The following GABRG3 variants were observed in gnomAD, a reference collection of about 807,000 sequenced individuals.
The protein encoded by GABRG3 is gamma-aminobutyric acid type A receptor subunit gamma3, also known as gamma-aminobutyric acid receptor subunit gamma-3.
A neutral mutation model predicts 48.8 loss-of-function variants in GABRG3; 25 were observed. The ratio of observed to expected loss-of-function variants is 0.51; its 90% CI spans 0.37 to 0.72. The LOEUF is 0.72. Ranked by LOEUF, GABRG3 falls within the 30% of genes least tolerant of loss-of-function variation. The pLI is 0.00. For synonymous variants in GABRG3, 227 were observed against 217.6 expected, an observed-to-expected ratio of 1.04 and a Z score of -0.38; for missense variants, 394 against 577.9, an observed-to-expected ratio of 0.68 and a Z score of 3.26.
chr15:27,152,135 T>G (rs539965508), intron 3 of GABRG3, among the ~76,000 whole-genome samples: 1 of 152,236 alleles, frequency 6.6e-6, no homozygotes, highest in East Asian at 1.9e-4. Flanking sequence ...TTTCATTAAT[T>G]CTGTGATACA....
chr15:27,232,339 A>G (rs986093304), intron 3 of GABRG3, among the ~76,000 whole-genome samples: 1 of 152,220 alleles, frequency 6.6e-6, no homozygotes, highest in African/African-American at 2.4e-5. Context: ...GTAGATGCTT[A>G]AAGTAACCCA....
At chr15:27,079,353 G>T (rs1896956988) in intron 3 of GABRG3, among the ~76,000 whole-genome samples, 1 of 152,166 alleles carries the variant, frequency 6.6e-6, no homozygotes, top group Non-Finnish European at 1.5e-5. Flanking sequence ...TTGGAAGTCA[G>T]AATACTTTTA....
intron 6 of GABRG3, among the ~76,000 whole-genome samples, chr15:27,485,947 G>T (rs1417673866): frequency 2.0e-5 from 3 of 152,282 alleles, no homozygotes; most frequent in South Asian, 4.1e-4. Flanking sequence ...ACATTTGCAG[G>T]TTAATCCATA....
At chr15:27,515,791 G>A (rs1891004400) in intron 6 of GABRG3, among the ~76,000 whole-genome samples, 1 of 152,184 alleles carries the variant, frequency 6.6e-6, no homozygotes, top group African/African-American at 2.4e-5. Context: ...GATTCACCTA[G>A]TCCGTAGAGG....
intron 3 of GABRG3, among the ~76,000 whole-genome samples, chr15:27,196,482 G>C (rs1888501407): frequency 6.6e-6 from 1 of 152,118 alleles, no homozygotes; most frequent in Non-Finnish European, 1.5e-5. Flanking sequence ...ATCAAATTAT[G>C]TATAACCTCC....
chr15:27,530,578 C>T (rs1296385240), intron 9 of GABRG3: 1 of 469,312 alleles, frequency 2.1e-6, no homozygotes, highest in African/African-American at 2.0e-5. Context: ...TTTTGGCTCC[C>T]TAAATGAAGT....
chr15:27,108,274 T>A (rs915734427), intron 3 of GABRG3, among the ~76,000 whole-genome samples: 1 of 152,224 alleles, frequency 6.6e-6, no homozygotes, highest in Non-Finnish European at 1.5e-5. Context: ...TCAAATTATT[T>A]TAAATTCCTC....
chr15:27,455,164 C>T (rs1287545993), intron 5 of GABRG3, among the ~76,000 whole-genome samples: 2 of 152,162 alleles, frequency 1.3e-5, no homozygotes, highest in Non-Finnish European at 2.9e-5. Context: ...TTTGTGAGGT[C>T]TTAGAAGGTG....
rs1887903003 is a variant in GABRG3, at chr15:27,180,699, A to G, written c.271-146110A>G. Reference sequence around the variant, plus strand: ...CGCACCCCAGGTCAGTTCTAGCAATAATTGAAAAACAGAAACCTATTTTCT... The same window carrying G: ...CGCACCCCAGGTCAGTTCTAGCAATGATTGAAAAACAGAAACCTATTTTCT... On this transcript the variant is annotated intron_variant, in intron 3 of 9. Coordinates refer to ENST00000615808, the MANE Select transcript of GABRG3 (RefSeq NM_033223.5). This position sits in a 1 kb window ranked among gnomAD's most constrained non-coding sequence, Gnocchi z 4.2. Among the ~76,000 whole-genome samples the G allele has an allele frequency of 6.6e-6, 1 of 152,102 alleles. No homozygotes were observed. Among genetic ancestry groups the G allele is most frequent in the Non-Finnish European group, 1.5e-5 (1 of 68,030 alleles).
rs147460411 is a variant in GABRG3, at chr15:27,342,154, G to T, written c.574+13266G>T. Among the ~76,000 whole-genome samples the T allele has an allele frequency of 5.9e-5, 9 of 152,306 alleles. No individual in the cohort carries two copies. The East Asian group carries it at 1.5e-3, about 26-fold the overall frequency. On this transcript the variant is annotated intron_variant, in intron 5 of 9. Coordinates refer to ENST00000615808, the MANE Select transcript of GABRG3 (RefSeq NM_033223.5). The stretch of plus-strand genomic sequence containing the variant: ...CCCACTGGCCTGACACAGGCCCAGC[G>T]CCAAGCAGTGGCCAAAGAACAGTGA...
chr15:27,180,904 G>T lies in GABRG3; in HGVS notation c.271-145905G>T, dbSNP rs192311371. 2.6e-5 allele frequency among the ~76,000 whole-genome samples: 4 copies of T among 152,044 alleles called. No homozygotes were observed. The highest frequency in any genetic ancestry group is 5.9e-5 in the Non-Finnish European group (4 of 68,012). On this transcript the variant is annotated intron_variant, in intron 3 of 9. Transcript: ENST00000615808. The surrounding 1 kb of genome is among the most constrained non-coding windows in gnomAD (Gnocchi z 4.2). ...CTAACCAATCTAACACAGGATTATC[G>T]TTCCAGTTTAGTATTTTAGGGTTGA...
At chr15:27,064,475 A>G (rs878920) in intron 3 of GABRG3, among the ~76,000 whole-genome samples, 114,020 of 152,056 alleles carry the variant, frequency 0.75, 43,395 homozygotes, top group South Asian at 0.83. Context: ...AGGAAAGGGA[A>G]CGCTGGGCTT....
At chr15:27,117,152 C>T (rs1205579161) in intron 3 of GABRG3, among the ~76,000 whole-genome samples, 1 of 152,216 alleles carries the variant, frequency 6.6e-6, no homozygotes, top group East Asian at 1.9e-4. Flanking sequence ...ACAATTTCAA[C>T]CCAGACAGTT....
At chr15:27,190,044 A>G (rs1337112906) in intron 3 of GABRG3, among the ~76,000 whole-genome samples, 2 of 152,214 alleles carry the variant, frequency 1.3e-5, no homozygotes, top group African/African-American at 4.8e-5. Context: ...ATTTGTGTAT[A>G]TTGAACCAGC....
chr15:27,083,201 G>A (rs1897019546), intron 3 of GABRG3, among the ~76,000 whole-genome samples: 1 of 152,174 alleles, frequency 6.6e-6, no homozygotes, highest in Admixed American at 6.5e-5. Context: ...GATACTTGCA[G>A]ACAAGCATTA....
intron 3 of GABRG3, among the ~76,000 whole-genome samples, chr15:27,065,107 C>T (rs1896715216): frequency 6.6e-6 from 1 of 152,146 alleles, no homozygotes; most frequent in African/African-American, 2.4e-5. Context: ...CAGCTGGTGA[C>T]TAGTCTCACG....
intron 6 of GABRG3, among the ~76,000 whole-genome samples, chr15:27,501,193 T>C (rs192744896): frequency 0.019 from 2,836 of 152,228 alleles, 42 homozygotes; most frequent in Non-Finnish European, 0.026. Context: ...CCTCGTGATC[T>C]GCCCACCTTG....
intron 3 of GABRG3, among the ~76,000 whole-genome samples, chr15:27,195,008 T>G (rs904121283): frequency 6.6e-6 from 1 of 152,254 alleles, no homozygotes; most frequent in Admixed American, 6.5e-5. Flanking sequence ...TTTTAATCTG[T>G]CCTCAATTCT....
intron 3 of GABRG3, among the ~76,000 whole-genome samples, chr15:27,306,348 T>A (rs1204091518): frequency 8.9e-6 from 1 of 112,550 alleles, no homozygotes; most frequent in Non-Finnish European, 2.0e-5. Context: ...AATATAAACA[T>A]GTCTACATAT....
Sources: gnomAD v4.1 joint callset for allele counts (sites outside exome capture counted in the v4.1 genomes callset) on GRCh38, gnomAD v4.1.1 for gene constraint, Gnocchi (gnomAD v3.1) non-coding constraint, MANE v1.5 for transcripts, NCBI Gene and HGNC (gene_info 2026-07-23, HGNC 2026-07-21) for gene names.